DPP6: variants seen among roughly 807,000 people sequenced by gnomAD.
The protein encoded by DPP6 is dipeptidyl peptidase like 6, also known as A-type potassium channel modulatory protein DPP6.
Under a neutral mutation model 122.6 loss-of-function variants are expected in DPP6, and 69 were observed. The ratio of observed to expected loss-of-function variants is 0.56; its 90% CI spans 0.46 to 0.69. The LOEUF is 0.69. Among genes scored for constraint, DPP6 ranks in the 30% least tolerant of loss-of-function variants. The pLI is 0.00. For synonymous variants in DPP6, 418 were observed against 433.1 expected (o/e 0.97, Z 0.43); for missense variants, 928 against 1,116.9 (o/e 0.83, Z 2.41).
chr7:154,261,192 C>T (rs991123057), intron 1 of DPP6, among the ~76,000 whole-genome samples: 1 of 152,196 alleles, frequency 6.6e-6, no homozygotes, highest in African/African-American at 2.4e-5. Flanking sequence ...CCACGCCCAG[C>T]CAATTCTTTT....
At chr7:154,194,576 C>G (rs1798771535) in intron 1 of DPP6, among the ~76,000 whole-genome samples, 1 of 152,306 alleles carries the variant, frequency 6.6e-6, no homozygotes, top group African/African-American at 2.4e-5. Flanking sequence ...GCCCTTTCTG[C>G]CATGGAATGT....
At chr7:154,871,090 G>A (rs1038734280) in intron 18 of DPP6, among the ~76,000 whole-genome samples, 7 of 152,076 alleles carry the variant, frequency 4.6e-5, no homozygotes, top group Non-Finnish European at 8.8e-5. Context: ...CGGCCAGACT[G>A]TCACCCTGGC....
chr7:153,873,003 T>G, the DPP6 span, among the ~76,000 whole-genome samples: 1 of 152,222 alleles, frequency 6.6e-6, no homozygotes, highest in African/African-American at 2.4e-5. Flanking sequence ...AAAAGAGTTT[T>G]ATTGGGCTCA....
intron 1 of DPP6, among the ~76,000 whole-genome samples, chr7:154,117,354 A>T (rs1807064996): frequency 6.6e-6 from 1 of 152,186 alleles, no homozygotes; most frequent in South Asian, 2.1e-4. Flanking sequence ...TTAAAGACCA[A>T]GTTACTGCAG....
intron 1 of DPP6, among the ~76,000 whole-genome samples, chr7:153,964,806 CCTTT>C (rs1214659151): frequency 2.0e-5 from 1 of 49,318 alleles, no homozygotes; most frequent in East Asian, 7.1e-3. Context: ...CCTTTCCTTT[CCTTT>C]CCTTTCCTTT....
At chr7:154,668,197 T>TTTTATATATATATATATATATATATATA (rs752665377) in intron 6 of DPP6, among the ~76,000 whole-genome samples, 1 of 36,476 alleles carries the variant, frequency 2.7e-5, no homozygotes, top group Non-Finnish European at 7.7e-5. Context: ...TGTGTATATT[T>TTTTATATATATATATATATATATATATA]TATATATATA....
At chr7:154,475,647 A>T (rs1822666785) in intron 3 of DPP6, 1 of 154,532 alleles carries the variant, frequency 6.5e-6, no homozygotes, top group Non-Finnish European at 1.4e-5. Context: ...TATGTTCACA[A>T]TGCCTGTGTT....
At chr7:153,874,785 A>C in the DPP6 span, among the ~76,000 whole-genome samples, 1 of 152,252 alleles carries the variant, frequency 6.6e-6, no homozygotes, top group Non-Finnish European at 1.5e-5. Context: ...TGGATTTAAC[A>C]ACCATTTAAC....
chr7:154,704,573 C>G (rs1840718862), intron 7 of DPP6, among the ~76,000 whole-genome samples: 1 of 152,178 alleles, frequency 6.6e-6, no homozygotes, highest in Non-Finnish European at 1.5e-5. Context: ...TACCAGTTAT[C>G]CCAACCTTCA....
intron 1 of DPP6, among the ~76,000 whole-genome samples, chr7:154,372,244 A>G (rs545555837): frequency 2.0e-5 from 3 of 152,200 alleles, no homozygotes; most frequent in South Asian, 2.1e-4. Context: ...ATGGCTATGC[A>G]TGAAGCGTAA....
At chr7:154,091,474 C>G (rs954081044) in intron 1 of DPP6, among the ~76,000 whole-genome samples, 3 of 152,116 alleles carry the variant, frequency 2.0e-5, no homozygotes, top group African/African-American at 7.2e-5. Context: ...TCTATCAGCC[C>G]TCCTTGTAGG....
At chr7:154,053,908 G>A (rs1258890453) in intron 1 of DPP6, among the ~76,000 whole-genome samples, 5 of 147,966 alleles carry the variant, frequency 3.4e-5, no homozygotes, top group East Asian at 2.0e-4. Flanking sequence ...AGATGGATGC[G>A]TTTAACCACC....
intron 1 of DPP6, among the ~76,000 whole-genome samples, chr7:154,149,839 A>G (rs1585492364): frequency 6.6e-6 from 1 of 151,830 alleles, no homozygotes; most frequent in Admixed American, 6.6e-5. Flanking sequence ...CCACCGTGGT[A>G]CCCCCCGCTC....
rs114198142 is a variant in DPP6 at position 153,921,836 on chromosome 7, G to T, written c.51+34102G>T. Among the ~76,000 whole-genome samples the T allele has an allele frequency of 4.3e-3, 650 of 152,304 alleles. 3 individuals carry two copies. The highest frequency in any genetic ancestry group is 0.014 in the African/African-American group (577 of 41,574). The stretch of plus-strand genomic sequence containing the variant: ...TTCTCAACCCCCAAGTCTAAATTTT[G>T]ATTCAAGCAAACTTGAAAGTATCTG... On this transcript the variant is annotated intron_variant, in intron 1 of 25. Coordinates refer to the DPP6 transcript ENST00000404039.
chr7:154,434,707 T>A (rs930145448), intron 1 of DPP6, among the ~76,000 whole-genome samples: 9 of 152,318 alleles, frequency 5.9e-5, no homozygotes, highest in African/African-American at 1.7e-4. Flanking sequence ...AATTAATGAC[T>A]CTCTAGACAG....
chr7:154,369,898 A>T (rs780220429), intron 1 of DPP6, among the ~76,000 whole-genome samples: 7 of 152,176 alleles, frequency 4.6e-5, no homozygotes, highest in Non-Finnish European at 7.4e-5. Flanking sequence ...CCAGGTGTTT[A>T]TTCAGGTGTC....
the DPP6 span, among the ~76,000 whole-genome samples, chr7:153,824,139 G>A: frequency 0.72 from 109,080 of 152,066 alleles, 39,669 homozygotes; most frequent in African/African-American, 0.86. Context: ...CCATAATCCC[G>A]GCACTTTGGG....
chr7:153,832,387 C>A, the DPP6 span, among the ~76,000 whole-genome samples: 3 of 152,184 alleles, frequency 2.0e-5, no homozygotes, highest in Admixed American at 6.5e-5. Context: ...CAATTTATGA[C>A]GCCTCCTTCT....
chr7:154,780,242 A>G (rs57201009), intron 10 of DPP6, among the ~76,000 whole-genome samples: 39,950 of 152,134 alleles, frequency 0.26, 5,746 homozygotes, highest in East Asian at 0.4. Context: ...CTGAAAAGGA[A>G]ATTCACAAAG....
Sources: gnomAD v4.1 joint callset for allele counts (sites outside exome capture counted in the v4.1 genomes callset) on GRCh38, gnomAD v4.1.1 for gene constraint, MANE v1.5 for transcripts, NCBI Gene and HGNC (gene_info 2026-07-23, HGNC 2026-07-21) for gene names.